The following GALNT14 variants were observed in gnomAD, a reference collection of about 807,000 sequenced individuals.
The protein encoded by GALNT14 is UDP-GalNAc:polypeptide N-acetylgalactosaminyltransferase 14.
In GALNT14, 60 loss-of-function variants were observed where a neutral mutation model predicts 77.5. That is an observed-to-expected ratio of 0.77 (90% CI 0.63 to 0.96). GALNT14 has a LOEUF of 0.96. Among genes scored for constraint, GALNT14 ranks in the 40% least tolerant of loss-of-function variants. The pLI is 0.00. For synonymous variants in GALNT14, 280 were observed against 281.7 expected (o/e 0.99, Z 0.06); for missense variants, 710 against 731.0 (o/e 0.97, Z 0.33).
At chr2:30,927,700 G>T (rs897655439) in intron 11 of GALNT14, among the ~76,000 whole-genome samples, 1 of 152,188 alleles carries the variant, frequency 6.6e-6, no homozygotes, top group Non-Finnish European at 1.5e-5. Flanking sequence ...AAAACAGAAG[G>T]TGTCATCTGC....
intron 13 of GALNT14, among the ~76,000 whole-genome samples, chr2:30,913,581 T>A (rs1302030112): frequency 6.6e-6 from 1 of 152,198 alleles, no homozygotes; most frequent in Non-Finnish European, 1.5e-5. Flanking sequence ...GAGGAACCAC[T>A]CCCACAGGCT....
chr2:30,970,434 G>C (rs777192667), intron 2 of GALNT14, among the ~76,000 whole-genome samples: 1 of 152,164 alleles, frequency 6.6e-6, no homozygotes, highest in African/African-American at 2.4e-5. Context: ...GATGATGCAC[G>C]TAAGCACGTG....
chr2:30,938,384 A>ACACACTCTCTCT (rs1174119035), intron 9 of GALNT14, among the ~76,000 whole-genome samples: 277 of 141,764 alleles, frequency 2.0e-3, no homozygotes, highest in African/African-American at 6.4e-3. Flanking sequence ...ACACACACAC[A>ACACACTCTCTCT]CTCTCTCTCT....
chr2:31,105,946 T>G (rs13029054), intron 1 of GALNT14, among the ~76,000 whole-genome samples: 90,984 of 151,884 alleles, frequency 0.6, 28,464 homozygotes, highest in African/African-American at 0.78. Flanking sequence ...AAAACACGGT[T>G]CCTATTATCC....
rs1206007901 is a variant in GALNT14 at position 30,924,764 on chromosome 2, A to T, written c.1211T>A (p.Leu404Gln). ...NLRCQSFKWY[L>Q]ENIYPELSIP... ...CCTGAGTTCAGGGTAGATATTCTCCAGGTACCACTTGAAGCTCTGGCAGCG... is the reference window on the plus strand; with the variant it reads ...CCTGAGTTCAGGGTAGATATTCTCCTGGTACCACTTGAAGCTCTGGCAGCG... Residue 404 changes from leucine to glutamine, a missense_variant, in exon 12 of 15, where the codon CTG (leucine) becomes CAG (glutamine). By Grantham distance (113) the Leu-to-Gln change is moderately radical. Transcript: ENST00000349752. 1 of 1,614,128 alleles carries T rather than the reference A, an allele frequency of 6.2e-7. No individual in the cohort carries two copies. The highest frequency in any genetic ancestry group is 2.2e-5 in the East Asian group (1 of 44,884).
intron 1 of GALNT14, among the ~76,000 whole-genome samples, chr2:31,129,934 C>T (rs1678893895): frequency 6.6e-6 from 1 of 152,194 alleles, no homozygotes; most frequent in Admixed American, 6.5e-5. Context: ...CCTTGCCTAG[C>T]ATGCATGCAG....
chr2:30,994,225 C>A (rs1042319110), intron 1 of GALNT14, among the ~76,000 whole-genome samples: 1 of 152,108 alleles, frequency 6.6e-6, no homozygotes, highest in African/African-American at 2.4e-5. Context: ...ACCCAGTGGC[C>A]GTGCAAGTGT....
chr2:31,024,510 C>T (rs1671924147), intron 1 of GALNT14, among the ~76,000 whole-genome samples: 1 of 152,192 alleles, frequency 6.6e-6, no homozygotes, highest in Admixed American at 6.5e-5. Context: ...GCCTTTGCAC[C>T]TGCTGCTCCT....
At chr2:31,106,905 AC>A (rs1439957270) in intron 1 of GALNT14, among the ~76,000 whole-genome samples, 7 of 152,200 alleles carry the variant, frequency 4.6e-5, no homozygotes, top group African/African-American at 1.7e-4. Flanking sequence ...CCCAGGGTAG[AC>A]TTTCATTACT....
chr2:30,997,916 T>A (rs1019196398), intron 1 of GALNT14, among the ~76,000 whole-genome samples: 2 of 152,222 alleles, frequency 1.3e-5, no homozygotes, highest in African/African-American at 4.8e-5. Flanking sequence ...TCTAACTGAC[T>A]TTGTACTCTT....
intron 13 of GALNT14, among the ~76,000 whole-genome samples, chr2:30,913,606 G>A (rs1409172910): frequency 2.6e-5 from 4 of 152,184 alleles, no homozygotes; most frequent in African/African-American, 9.7e-5. Flanking sequence ...ACCTTCTGCT[G>A]TCCTGAATAC....
At chr2:31,056,729 G>A (rs1286774241) in intron 1 of GALNT14, among the ~76,000 whole-genome samples, 2 of 152,178 alleles carry the variant, frequency 1.3e-5, no homozygotes, top group Non-Finnish European at 2.9e-5. Context: ...TTAAACTCGT[G>A]ATATAGTGAT....
the GALNT14 span, among the ~76,000 whole-genome samples, chr2:30,905,351 C>T: frequency 3.3e-5 from 5 of 151,464 alleles, no homozygotes; most frequent in Admixed American, 1.3e-4. Context: ...ATAACCAATA[C>T]AGAGAAGTGC....
intron 1 of GALNT14, among the ~76,000 whole-genome samples, chr2:31,054,619 C>T (rs186426134): frequency 2.1e-4 from 32 of 152,300 alleles, no homozygotes; most frequent in African/African-American, 7.0e-4. Context: ...TAGTTCCCAA[C>T]CTCTAGGGGC....
rs4020220 is a variant in GALNT14, at chr2:31,130,734, CTGTGTGTGTGTGTGTGTG to C, written c.129+7206_129+7223del. On this transcript the variant is annotated intron_variant, in intron 1 of 14. Coordinates refer to ENST00000349752, the MANE Select transcript of GALNT14 (RefSeq NM_024572.4). Reference sequence around the variant, plus strand: ...TCCTGCAGAATTCCCCAGGGTACCTCTGTGTGTGTGTGTGTGTGTGTGTGTGTGTGTGTGTGTGTGTGT... The same window carrying C: ...TCCTGCAGAATTCCCCAGGGTACCTCTGTGTGTGTGTGTGTGTGTGTGTGT... Among the ~76,000 whole-genome samples the C allele has an allele frequency of 4.0e-4, 47 of 117,536 alleles. No individual in the cohort carries two copies. The South Asian group carries it at 4.2e-3, about 11-fold the overall frequency. The allele number at this position is 117,536 out of a possible 152,430, so 77.1% of individuals were successfully genotyped here.
intron 2 of GALNT14, 134 bp downstream of exon 2, chr2:30,992,704 T>C: frequency 9.7e-7 from 1 of 1,033,500 alleles, no homozygotes; most frequent in Non-Finnish European, 1.4e-6. Flanking sequence ...TCCGAATCCC[T>C]TTAGTGTTCA....
intron 2 of GALNT14, among the ~76,000 whole-genome samples, chr2:30,989,585 A>AAAT (rs1558471191): frequency 2.7e-4 from 24 of 87,916 alleles, no homozygotes; most frequent in Middle Eastern, 0.012. Context: ...TATATATAAA[A>AAAT]ATATATATAT....
At chr2:30,904,779 C>T in the GALNT14 span, among the ~76,000 whole-genome samples, 251 of 152,354 alleles carry the variant, frequency 1.6e-3, 2 homozygotes, top group African/African-American at 5.7e-3. Flanking sequence ...AACAAAAAGA[C>T]AGCAGTAACC....
chr2:31,126,070 G>A (rs907384709), intron 1 of GALNT14, among the ~76,000 whole-genome samples: 2 of 152,176 alleles, frequency 1.3e-5, no homozygotes, highest in Non-Finnish European at 2.9e-5. Flanking sequence ...CATTCATAAG[G>A]GGATGTCAGA....
Sources: gnomAD v4.1 joint callset for allele counts (sites outside exome capture counted in the v4.1 genomes callset) on GRCh38, gnomAD v4.1.1 for gene constraint, MANE v1.5 for transcripts, NCBI Gene and HGNC (gene_info 2026-07-23, HGNC 2026-07-21) for gene names.